Variants in SLC39A11 observed in about 807,000 individuals in gnomAD.
SLC39A11 encodes zinc transporter ZIP11.
A neutral mutation model predicts 36.1 loss-of-function variants in SLC39A11; 33 were observed. The observed-to-expected ratio is 0.91, with a 90% CI of 0.69 to 1.22. The LOEUF is 1.22. SLC39A11 is among the 50% of genes most tolerant of loss of function. The pLI, the probability that SLC39A11 is intolerant of heterozygous loss-of-function variation, is 0.00. For synonymous variants in SLC39A11, 166 were observed against 170.3 expected (o/e 0.97, Z 0.20); for missense variants, 432 against 430.3 (o/e 1.00, Z -0.03).
intron 7 of SLC39A11, among the ~76,000 whole-genome samples, chr17:72,685,788 C>T (rs1039321219): frequency 1.3e-5 from 2 of 152,130 alleles, no homozygotes; most frequent in African/African-American, 4.8e-5. Flanking sequence ...CCTGTAATCC[C>T]AGCACTTTGG....
At chr17:72,774,066 C>T (rs1018279358) in intron 6 of SLC39A11, among the ~76,000 whole-genome samples, 1 of 152,174 alleles carries the variant, frequency 6.6e-6, no homozygotes, top group Non-Finnish European at 1.5e-5. Context: ...CCTGGGCCTC[C>T]GTGTCTCTCT....
At chr17:73,028,051 C>T (rs1598916398) in intron 4 of SLC39A11, among the ~76,000 whole-genome samples, 1 of 152,164 alleles carries the variant, frequency 6.6e-6, no homozygotes, top group African/African-American at 2.4e-5. Flanking sequence ...TGGTCGGAAC[C>T]GCAGCCAAAG....
intron 3 of SLC39A11, among the ~76,000 whole-genome samples, chr17:73,082,116 T>TAAAAAAAAA (rs1462631665): frequency 3.7e-5 from 3 of 80,350 alleles, no homozygotes; most frequent in East Asian, 4.8e-4. Flanking sequence ...CTACTGAAAC[T>TAAAAAAAAA]AAAAAAAAAG....
At chr17:72,888,165 G>C (rs149063540) in intron 5 of SLC39A11, among the ~76,000 whole-genome samples, 8 of 152,220 alleles carry the variant, frequency 5.3e-5, no homozygotes, top group African/African-American at 1.9e-4. Flanking sequence ...AACATACTGT[G>C]CATGAGGTGG....
chr17:73,013,534 G>A (rs1013894633), intron 4 of SLC39A11, among the ~76,000 whole-genome samples: 2 of 152,216 alleles, frequency 1.3e-5, no homozygotes, highest in African/African-American at 4.8e-5. Context: ...AAATGAACAG[G>A]TGCAGCTGAC....
intron 5 of SLC39A11, among the ~76,000 whole-genome samples, chr17:72,920,738 A>C (rs2083617438): frequency 7.7e-6 from 1 of 129,946 alleles, no homozygotes; most frequent in African/African-American, 3.0e-5. Context: ...CTACAACTAC[A>C]CCCCATACAC....
chr17:72,796,133 T>G (rs912789334), intron 6 of SLC39A11, among the ~76,000 whole-genome samples: 10 of 152,168 alleles, frequency 6.6e-5, no homozygotes, highest in African/African-American at 2.4e-4. Context: ...GTTATGAGGA[T>G]GAAGCCCTGG....
intron 4 of SLC39A11, among the ~76,000 whole-genome samples, chr17:73,026,384 G>A (rs112575180): frequency 0.026 from 3,993 of 150,848 alleles, 68 homozygotes; most frequent in African/African-American, 0.044. Flanking sequence ...GCATGGTGGC[G>A]CATGCCTGTA....
intron 7 of SLC39A11, among the ~76,000 whole-genome samples, chr17:72,724,107 T>TG (rs1040116757): frequency 1.1e-4 from 15 of 142,324 alleles, no homozygotes; most frequent in African/African-American, 3.4e-4. Flanking sequence ...CCTTTTATTT[T>TG]TTTTTTTCTG....
At chr17:72,837,988 C>G in intron 6 of SLC39A11, 1 of 1,231,258 alleles carries the variant, frequency 8.1e-7, no homozygotes, top group East Asian at 3.2e-5. Context: ...TGAGAGTATT[C>G]AGGAATAGTG....
At position 72,757,198 on chromosome 17, in the gene SLC39A11, T is replaced by G. The variant is rs147605972; in HGVS notation, c.602-20479A>C. Among the ~76,000 whole-genome samples, 1,193 of 151,392 alleles carry G rather than the reference T, an allele frequency of 7.9e-3. 6 individuals carry two copies. The highest frequency in any genetic ancestry group is 0.017 in the African/African-American group (702 of 41,276). ...AAATAATAAATAAAATAAAATAAAATAAAAAGAAAAAAGTGGTTCAAGGTT... is the reference window on the plus strand; with the variant it reads ...AAATAATAAATAAAATAAAATAAAAGAAAAAGAAAAAAGTGGTTCAAGGTT... On this transcript the variant is annotated intron_variant, in intron 6 of 9. Transcript: ENST00000255559.
intron 3 of SLC39A11, among the ~76,000 whole-genome samples, chr17:73,053,456 T>C (rs1412756774): frequency 6.6e-6 from 1 of 152,196 alleles, no homozygotes; most frequent in Non-Finnish European, 1.5e-5. Context: ...CCATTTTATA[T>C]GAATAGTCAT....
chr17:72,969,860 T>C (rs1302652750), intron 4 of SLC39A11, among the ~76,000 whole-genome samples: 2 of 152,122 alleles, frequency 1.3e-5, no homozygotes, highest in Non-Finnish European at 2.9e-5. Context: ...CATCCCAGAA[T>C]ATAATGGCCT....
chr17:72,827,610 T>C (rs1349241285), intron 6 of SLC39A11, among the ~76,000 whole-genome samples: 1 of 152,196 alleles, frequency 6.6e-6, no homozygotes, highest in Non-Finnish European at 1.5e-5. Context: ...CCAGGAAGGC[T>C]TTGGGAAGGG....
chr17:72,867,551 T>G (rs1199596992), intron 5 of SLC39A11, among the ~76,000 whole-genome samples: 1 of 151,786 alleles, frequency 6.6e-6, no homozygotes, highest in Admixed American at 6.6e-5. Flanking sequence ...AGATACTGAA[T>G]TGAAAACTTC....
chr17:72,748,183 G>A (rs943646195), intron 6 of SLC39A11, among the ~76,000 whole-genome samples: 2 of 152,124 alleles, frequency 1.3e-5, no homozygotes, highest in Admixed American at 6.6e-5. Flanking sequence ...TTAGCTGGGC[G>A]TGGTGGTGGG....
chr17:72,940,181 C>T (rs1262036538), intron 5 of SLC39A11, among the ~76,000 whole-genome samples: 3 of 152,162 alleles, frequency 2.0e-5, no homozygotes, highest in African/African-American at 4.8e-5. Flanking sequence ...ACAGTGGAAG[C>T]GGTCATCCCT....
intron 7 of SLC39A11, among the ~76,000 whole-genome samples, chr17:72,653,700 A>C (rs2069975622): frequency 6.6e-6 from 1 of 152,128 alleles, no homozygotes; most frequent in African/African-American, 2.4e-5. Flanking sequence ...TCGGCCTCCC[A>C]AAGTGCGGGA....
At chr17:73,059,194 G>A (rs1210650116) in intron 3 of SLC39A11, among the ~76,000 whole-genome samples, 1 of 152,054 alleles carries the variant, frequency 6.6e-6, no homozygotes, top group Non-Finnish European at 1.5e-5. Context: ...AATATATTTG[G>A]GTTTGTTCAT....
Sources: allele counts gnomAD v4.1 joint callset (sites outside exome capture counted in the v4.1 genomes callset), GRCh38; gene constraint gnomAD v4.1.1; transcripts MANE v1.5; gene names NCBI Gene and HGNC (gene_info 2026-07-23, HGNC 2026-07-21).